Variants in SAMD5 observed in about 807,000 individuals in gnomAD.
SAMD5 encodes the protein sterile alpha motif domain-containing protein 5.
A neutral mutation model predicts 11.3 loss-of-function variants in SAMD5; 13 were observed. The observed-to-expected ratio is 1.15, with a 90% CI of 0.75 to 1.83. SAMD5 has a LOEUF of 1.83. SAMD5 is among the 40% of genes most tolerant of loss of function. The pLI is 0.00. For synonymous variants in SAMD5, 129 were observed against 111.3 expected, an observed-to-expected ratio of 1.16 and a Z score of -1.00; for missense variants, 255 against 239.1, an observed-to-expected ratio of 1.07 and a Z score of -0.44.
intron 1 of SAMD5, among the ~76,000 whole-genome samples, chr6:147,544,458 C>A (rs967719648): frequency 3.9e-5 from 6 of 152,126 alleles, no homozygotes; most frequent in African/African-American, 1.4e-4. Flanking sequence ...AAGTTATATT[C>A]AGAGTATGGC....
chr6:147,847,032 G>T, the SAMD5 span, among the ~76,000 whole-genome samples: 1 of 152,170 alleles, frequency 6.6e-6, no homozygotes, highest in South Asian at 2.1e-4. Context: ...AACTGCTTAT[G>T]TTCAAAGAAA....
At chr6:147,546,415 A>T (rs918917402) in intron 1 of SAMD5, among the ~76,000 whole-genome samples, 20 of 152,078 alleles carry the variant, frequency 1.3e-4, no homozygotes, top group African/African-American at 4.8e-4. Context: ...CTGTAATCTC[A>T]GCTACTTGGG....
At chr6:147,777,464 A>G in the SAMD5 span, among the ~76,000 whole-genome samples, 1 of 152,028 alleles carries the variant, frequency 6.6e-6, no homozygotes, top group Non-Finnish European at 1.5e-5. Context: ...TTTTCTTCCT[A>G]CCTCATTTGC....
the SAMD5 span, among the ~76,000 whole-genome samples, chr6:147,933,781 A>G: frequency 6.6e-6 from 1 of 152,204 alleles, no homozygotes; most frequent in African/African-American, 2.4e-5. Flanking sequence ...GGACACATTC[A>G]TTACAAAGCA....
the SAMD5 span, among the ~76,000 whole-genome samples, chr6:147,782,540 G>A: frequency 9.2e-5 from 14 of 152,150 alleles, no homozygotes; most frequent in Admixed American, 7.9e-4. Flanking sequence ...TGTTTATCCT[G>A]CACTTCTCCC....
chr6:147,719,086 C>G (rs756064846), intron 1 of SAMD5, among the ~76,000 whole-genome samples: 1 of 152,166 alleles, frequency 6.6e-6, no homozygotes, highest in East Asian at 1.9e-4. Flanking sequence ...GTGGATCCCA[C>G]GCTGCTGAGT....
chr6:147,935,096 C>G, the SAMD5 span, among the ~76,000 whole-genome samples: 4 of 152,170 alleles, frequency 2.6e-5, no homozygotes, highest in East Asian at 1.9e-4. Context: ...AGCAAACGTA[C>G]AGCAAGTGTC....
At chr6:147,883,351 GGAGCAGATCT>G in the SAMD5 span, among the ~76,000 whole-genome samples, 2 of 152,180 alleles carry the variant, frequency 1.3e-5, no homozygotes, top group African/African-American at 4.8e-5. Context: ...GGAGTGGGTT[GGAGCAGATCT>G]GAGTCATGTA....
chr6:147,932,429 G>A, the SAMD5 span, among the ~76,000 whole-genome samples: 291 of 152,170 alleles, frequency 1.9e-3, 3 homozygotes, highest in East Asian at 0.012. Flanking sequence ...GTGCAGTTAC[G>A]TCATCAGCAG....
At chr6:147,556,795 T>A (rs1788864921) in intron 1 of SAMD5, among the ~76,000 whole-genome samples, 1 of 152,222 alleles carries the variant, frequency 6.6e-6, no homozygotes, top group African/African-American at 2.4e-5. Context: ...TACTGGCAAT[T>A]ATTTTCAATT....
intron 1 of SAMD5, among the ~76,000 whole-genome samples, chr6:147,627,148 GA>G (rs1790067588): frequency 6.6e-6 from 1 of 152,212 alleles, no homozygotes; most frequent in Non-Finnish European, 1.5e-5. Flanking sequence ...ATTTTCATTT[GA>G]ATATTTATAT....
intron 1 of SAMD5, among the ~76,000 whole-genome samples, chr6:147,686,968 T>A (rs1485168546): frequency 6.6e-6 from 1 of 151,948 alleles, no homozygotes; most frequent in East Asian, 1.9e-4. Context: ...TTTACAATAT[T>A]TTTGGCTTCT....
chr6:147,646,898 G>A (rs1307120518), intron 1 of SAMD5, among the ~76,000 whole-genome samples: 1 of 151,252 alleles, frequency 6.6e-6, no homozygotes, highest in Non-Finnish European at 1.5e-5. Flanking sequence ...AGTACTTTGG[G>A]AGGCCAAGGT....
At chr6:147,619,817 C>T (rs147477441) in intron 1 of SAMD5, among the ~76,000 whole-genome samples, 39 of 152,238 alleles carry the variant, frequency 2.6e-4, no homozygotes, top group African/African-American at 9.4e-4. Flanking sequence ...GGGGAGGCCA[C>T]CTACTTGATG....
At chr6:147,774,212 A>G in the SAMD5 span, among the ~76,000 whole-genome samples, 1 of 152,082 alleles carries the variant, frequency 6.6e-6, no homozygotes, top group Non-Finnish European at 1.5e-5. Flanking sequence ...CACCTCCCAA[A>G]TGTCCCACCT....
intron 1 of SAMD5, among the ~76,000 whole-genome samples, chr6:147,622,653 C>G (rs1364822984): frequency 2.0e-5 from 3 of 152,214 alleles, no homozygotes; most frequent in Non-Finnish European, 4.4e-5. Context: ...GGCTTTCTCC[C>G]TTTCTCAGGC....
intron 1 of SAMD5, among the ~76,000 whole-genome samples, chr6:147,684,144 G>C (rs145450052): frequency 6.6e-6 from 1 of 151,852 alleles, no homozygotes; most frequent in Non-Finnish European, 1.5e-5. Context: ...AGAGCTAAGC[G>C]TTTCATTATG....
the SAMD5 span, among the ~76,000 whole-genome samples, chr6:147,767,394 T>C: frequency 6.6e-6 from 1 of 151,852 alleles, no homozygotes; most frequent in Non-Finnish European, 1.5e-5. Context: ...AGTTTGGGCC[T>C]TTTTACCCCC....
At position 147,583,001 on chromosome 6, in the gene SAMD5, G is replaced by A. The variant is rs117439573; in HGVS notation, c.162+73614G>A. On this transcript the variant is annotated intron_variant, in intron 1 of 1. Transcript: ENST00000566741. Reference sequence around the variant, plus strand: ...GTGTTGGGATCTGGGTGGCATCAGTGTCTGAGAAAACCTTGTTATGCAAAA... The same window carrying A: ...GTGTTGGGATCTGGGTGGCATCAGTATCTGAGAAAACCTTGTTATGCAAAA... 5.3e-5 allele frequency among the ~76,000 whole-genome samples: 8 copies of A among 152,310 alleles called. No homozygotes were observed. In the East Asian group the frequency reaches 9.6e-4, roughly 18 times the overall value.
Sources: allele counts gnomAD v4.1 joint callset (sites outside exome capture counted in the v4.1 genomes callset), GRCh38; gene constraint gnomAD v4.1.1; transcripts MANE v1.5; gene names NCBI Gene and HGNC (gene_info 2026-07-23, HGNC 2026-07-21).